FAT3: variants seen among roughly 807,000 people sequenced by gnomAD.
The protein encoded by FAT3 is FAT atypical cadherin 3, also known as protocadherin Fat 3.
Under a neutral mutation model 310.2 loss-of-function variants are expected in FAT3, and 95 were observed. That is an observed-to-expected ratio of 0.31 (90% CI 0.26 to 0.36). The LOEUF (loss-of-function observed/expected upper bound fraction) is 0.36, where lower values mean the gene tolerates loss of function less well. Among genes scored for constraint, FAT3 ranks in the 10% least tolerant of loss-of-function variants. The pLI, the probability that FAT3 is intolerant of heterozygous loss-of-function variation, is 1.00. For missense variants in FAT3, 5,408 were observed against 5,715.6 expected, an observed-to-expected ratio of 0.95 and a Z score of 1.74; for synonymous variants, 2,314 against 2,192.9, an observed-to-expected ratio of 1.06 and a Z score of -1.54.
chr11:92,864,635 G>T (rs1469500418), intron 21 of FAT3, among the ~76,000 whole-genome samples: 1 of 152,080 alleles, frequency 6.6e-6, no homozygotes, highest in African/African-American at 2.4e-5. Context: ...GGCCAACCTG[G>T]TGAAACCCTG....
In FAT3 at chr11:92,454,784, C is replaced by T. The variant is rs532645435; in HGVS notation, c.3293-69850C>T. On this transcript the variant is annotated intron_variant, in intron 2 of 27. Transcript: ENST00000525166. The stretch of plus-strand genomic sequence containing the variant: ...TTAAATGCAGTATCATTAGAGTAGA[C>T]GTGTGTGCATGTGTTTATTAGGTAA... Among the ~76,000 whole-genome samples the T allele has an allele frequency of 7.2e-5, 11 of 152,054 alleles. No homozygotes were observed. The East Asian group carries it at 1.2e-3, about 16-fold the overall frequency.
At chr11:92,637,654 G>T (rs772235647) in intron 3 of FAT3, among the ~76,000 whole-genome samples, 1 of 152,134 alleles carries the variant, frequency 6.6e-6, no homozygotes, top group African/African-American at 2.4e-5. Context: ...CATACGTTAA[G>T]AACTATAGTA....
chr11:92,858,023 T>C (rs1222132807), intron 20 of FAT3, among the ~76,000 whole-genome samples: 3 of 152,252 alleles, frequency 2.0e-5, no homozygotes, highest in African/African-American at 4.8e-5. Flanking sequence ...TGGGTACCAA[T>C]AGAATCCTCT....
chr11:92,861,915 G>T (rs989403453), intron 21 of FAT3, among the ~76,000 whole-genome samples: 1 of 152,204 alleles, frequency 6.6e-6, no homozygotes, highest in Non-Finnish European at 1.5e-5. Flanking sequence ...TCAGTGGGGT[G>T]AAGGGCGCCC....
chr11:92,252,292 C>T (rs1865168935), intron 1 of FAT3, among the ~76,000 whole-genome samples: 1 of 152,084 alleles, frequency 6.6e-6, no homozygotes, highest in South Asian at 2.1e-4. Context: ...ATTGAGAGCT[C>T]TTTCTATTAA....
chr11:92,886,436 T>TG (rs1398405170), intron 24 of FAT3, among the ~76,000 whole-genome samples: 2 of 152,112 alleles, frequency 1.3e-5, no homozygotes, highest in African/African-American at 4.8e-5. Flanking sequence ...TCCACACCAC[T>TG]GCCAGCCCTC....
chr11:92,675,128 C>G (rs535620977), intron 3 of FAT3, among the ~76,000 whole-genome samples: 2 of 152,242 alleles, frequency 1.3e-5, no homozygotes, highest in South Asian at 4.2e-4. Flanking sequence ...AATTCTCAAG[C>G]AGGAAGCATG....
intron 22 of FAT3, among the ~76,000 whole-genome samples, chr11:92,876,850 A>G (rs1475289752): frequency 6.6e-6 from 1 of 152,232 alleles, no homozygotes; most frequent in African/African-American, 2.4e-5. Flanking sequence ...TTTTATCTGT[A>G]GAGATCAAGC....
chr11:92,572,680 C>G (rs1157979935), intron 3 of FAT3, among the ~76,000 whole-genome samples: 1 of 152,174 alleles, frequency 6.6e-6, no homozygotes, highest in Non-Finnish European at 1.5e-5. Context: ...GTGCTTTTAA[C>G]TAGTTAACTA....
At chr11:92,437,736 T>G (rs1050498737) in intron 2 of FAT3, among the ~76,000 whole-genome samples, 2 of 152,146 alleles carry the variant, frequency 1.3e-5, no homozygotes, top group Non-Finnish European at 2.9e-5. Flanking sequence ...CAGCTTGGCT[T>G]TTCCGTGTAG....
chr11:92,444,402 C>CAAATGTGCAAGTG (rs1293202494), intron 2 of FAT3, among the ~76,000 whole-genome samples: 4 of 152,110 alleles, frequency 2.6e-5, no homozygotes, highest in African/African-American at 9.7e-5. Context: ...ATGTAATTCA[C>CAAATGTGCAAGTG]CTTTTCTCAA....
intron 4 of FAT3, among the ~76,000 whole-genome samples, chr11:92,761,426 A>G (rs900572287): frequency 2.6e-5 from 4 of 152,212 alleles, no homozygotes; most frequent in Admixed American, 6.5e-5. Context: ...GAAGGGTTAC[A>G]TTCAGACTAT....
At chr11:92,521,143 GTGTGT>G (rs1953667549) in intron 2 of FAT3, among the ~76,000 whole-genome samples, 1 of 151,730 alleles carries the variant, frequency 6.6e-6, no homozygotes, top group Non-Finnish European at 1.5e-5. Flanking sequence ...GTGCTTTGGT[GTGTGT>G]GTGTGTGCGT....
At chr11:92,688,417 C>G (rs985858809) in intron 3 of FAT3, among the ~76,000 whole-genome samples, 84 of 151,840 alleles carry the variant, frequency 5.5e-4, no homozygotes, top group Non-Finnish European at 1.6e-4. Flanking sequence ...TTTAGATAAG[C>G]CAATAAAAGT....
chr11:92,336,168 G>A (rs1948071917), intron 1 of FAT3: 6 of 560,018 alleles, frequency 1.1e-5, no homozygotes, highest in South Asian at 8.6e-5. Context: ...CCTGTAATCA[G>A]GCAGATAGGC....
chr11:92,579,395 T>C (rs999841316), intron 3 of FAT3, among the ~76,000 whole-genome samples: 3 of 152,128 alleles, frequency 2.0e-5, no homozygotes, highest in Non-Finnish European at 4.4e-5. Context: ...ACCGTGATGC[T>C]TCTGAGAGTT....
chr11:92,406,434 C>T (rs1325554868), intron 2 of FAT3, among the ~76,000 whole-genome samples: 1 of 152,154 alleles, frequency 6.6e-6, no homozygotes, highest in African/African-American at 2.4e-5. Flanking sequence ...TATACACTTC[C>T]TCTCTGATTG....
chr11:92,814,851 A>G (rs1947780712), intron 13 of FAT3, among the ~76,000 whole-genome samples: 1 of 152,220 alleles, frequency 6.6e-6, no homozygotes, highest in Admixed American at 6.5e-5. Flanking sequence ...CGTTCTGCAC[A>G]TGTATCCCAG....
intron 3 of FAT3, among the ~76,000 whole-genome samples, chr11:92,664,625 G>T (rs1475718699): frequency 6.6e-6 from 1 of 152,150 alleles, no homozygotes; most frequent in Non-Finnish European, 1.5e-5. Context: ...TTTTTAAAGA[G>T]ATCATTTATG....
Sources: allele counts gnomAD v4.1 joint callset (sites outside exome capture counted in the v4.1 genomes callset), GRCh38; gene constraint gnomAD v4.1.1; transcripts MANE v1.5; gene names NCBI Gene and HGNC (gene_info 2026-07-23, HGNC 2026-07-21).